PLIN1: variants seen among roughly 807,000 people sequenced by gnomAD.
The protein encoded by PLIN1 is perilipin 1, also known as perilipin-1.
PLIN1 carries 37 observed loss-of-function variants against 45.8 expected under a neutral mutation model. The ratio of observed to expected loss-of-function variants is 0.81; its 90% confidence interval spans 0.62 to 1.06. The LOEUF is 1.06. Ranked by LOEUF, PLIN1 falls within the 50% of genes least tolerant of loss-of-function variation. The pLI is 0.00. For missense variants in PLIN1, 776 were observed against 716.5 expected (o/e 1.08, Z -0.95); for synonymous variants, 340 against 309.2 (o/e 1.10, Z -1.05).
In PLIN1 at chr15:89,664,836, A is replaced by G; in HGVS notation, c.*747T>C. Reference sequence around the variant, plus strand: ...GGTTGGGGATGAACTGTGGCTATACATAAAGTCTATATATCATCACCATTT... The same window carrying G: ...GGTTGGGGATGAACTGTGGCTATACGTAAAGTCTATATATCATCACCATTT... On this transcript the variant is annotated 3_prime_UTR_variant, in exon 9 of 9. Transcript: ENST00000300055. 2 of 455,836 alleles carry G rather than the reference A, an allele frequency of 4.4e-6. No homozygotes were observed. The highest frequency in any genetic ancestry group is 8.8e-6 in the Non-Finnish European group (2 of 226,692). The allele number at this position is 455,836 out of a possible 1,614,324, so 28.2% of individuals were successfully genotyped here.
chr15:89,677,653 T>A, intron 1 of PLIN1, 150 bp from the exon 2 acceptor site: 2 of 750,024 alleles, frequency 2.7e-6, no homozygotes, highest in Non-Finnish European at 4.9e-6. Context: ...AGGGTGAATA[T>A]CACACACAAT....
rs945901243 is a variant in PLIN1 at position 89,671,075 on chromosome 15, C to T, written c.333+407G>A. Among the ~76,000 whole-genome samples, 27 of 152,122 alleles carry T rather than the reference C, an allele frequency of 1.8e-4. 1 individual carries two copies. The highest frequency in any genetic ancestry group is 6.0e-4 in the African/African-American group (25 of 41,400). On this transcript the variant is annotated intron_variant, in intron 4 of 8. Coordinates refer to ENST00000300055, the MANE Select transcript of PLIN1 (RefSeq NM_002666.5). ...TAAAGTGACCTTCAATCTCATGGTC[C>T]ATAAAAGGTTGGATCTTGAGGATAT...
rs1462934175 is a variant in PLIN1 at position 89,665,871 on chromosome 15, C to G, written c.1281G>C (p.Glu427Asp). Residue 427 changes from glutamate to aspartate, a missense_variant, in exon 9 of 9, where the codon GAG (glutamate) becomes GAC (aspartate). Glu to Asp is a conservative substitution (Grantham distance 45). Transcript: ENST00000300055. ...ACGCTCTGCGCTCCGCCTCCCGGCG[C>G]TCGACCTCGGCTGGTGGGTTGTCGA... The part of the protein sequence containing the change: ...RDIDNPPAEV[E>D]RREAERRASG... The G allele has an allele frequency of 6.6e-7, 1 of 1,509,700 alleles. No individual in the cohort carries two copies. Among genetic ancestry groups the G allele is most frequent in the Admixed American group, 2.0e-5 (1 of 48,996 alleles). The allele number at this position is 1,509,700 out of a possible 1,614,324, so 93.5% of individuals were successfully genotyped here. A position where few individuals can be genotyped will look rare whatever the true frequency, so the allele number is the denominator to read the frequency against.
chr15:89,678,509 C>T (rs1191334060), intron 1 of PLIN1, among the ~76,000 whole-genome samples: 1 of 129,890 alleles, frequency 7.7e-6, no homozygotes, highest in African/African-American at 2.8e-5. Flanking sequence ...GACTCTGTCT[C>T]AAAAAAAAAA....
chr15:89,667,213 T>C, intron 7 of PLIN1, 32 bp from the exon 8 acceptor site: 1 of 1,611,388 alleles, frequency 6.2e-7, no homozygotes, highest in Non-Finnish European at 8.5e-7. Context: ...GTGCCTCCTG[T>C]GGTAACTCCC....
chr15:89,670,725 C>A (rs750813198), intron 4 of PLIN1, among the ~76,000 whole-genome samples: 5 of 152,168 alleles, frequency 3.3e-5, no homozygotes, highest in Non-Finnish European at 7.3e-5. Flanking sequence ...AAATGGGGAG[C>A]AAAGAGCACA....
intron 5 of PLIN1, 48 bp from the exon 6 acceptor site, chr15:89,669,720 G>T (rs1005957752): frequency 1.3e-6 from 2 of 1,571,176 alleles, no homozygotes; most frequent in Middle Eastern, 1.7e-4. Context: ...TCAGAGAGGG[G>T]CCGGAGAGAT....
At chr15:89,677,917 G>GT (rs760024030) in intron 1 of PLIN1, 15,128 of 148,702 alleles carry the variant, frequency 0.1, 441 homozygotes, top group Middle Eastern at 0.13. Context: ...CGCCCGGCTA[G>GT]TTTTTTTTTT....
rs767729292 is a variant in PLIN1, at chr15:89,669,684, T to C, written c.599-12A>G. 2 of 1,612,240 alleles carry C rather than the reference T, an allele frequency of 1.2e-6. No individual in the cohort carries two copies. Among genetic ancestry groups the C allele is most frequent in the South Asian group, 1.1e-5 (1 of 90,984 alleles). The stretch of plus-strand genomic sequence containing the variant: ...TCCAGGAGCAGGGGCTGGGTAGGGA[T>C]TTGGGGGGAAAGAAGAGAAAACAGG... On this transcript the variant is annotated splice_polypyrimidine_tract_variant and intron_variant, in intron 5 of 8. Transcript: ENST00000300055.
Position 89,678,420 on chromosome 15 carries a change from G to A in PLIN1, c.-15+831C>T, listed in dbSNP as rs1256327729. ...AGCTACTTGGGAGGCTGAGGCAGGAGGATCGCTTGAGCCTGAGAGGTGGAG... is the reference window on the plus strand; with the variant it reads ...AGCTACTTGGGAGGCTGAGGCAGGAAGATCGCTTGAGCCTGAGAGGTGGAG... On this transcript the variant is annotated intron_variant, in intron 1 of 8. Transcript: ENST00000300055. Among the ~76,000 whole-genome samples, 4 of 152,006 alleles carry A rather than the reference G, an allele frequency of 2.6e-5. No homozygotes were observed. In the East Asian group the frequency reaches 5.9e-4, roughly 23 times the overall value.
chr15:89,665,043 C>G lies in PLIN1; in HGVS notation c.*540G>C. 2.4e-6 allele frequency: 1 copy of G among 413,790 alleles called. No individual in the cohort carries two copies. Among genetic ancestry groups the G allele is most frequent in the Admixed American group, 2.8e-5 (1 of 36,252 alleles). The allele number at this position is 413,790 out of a possible 1,614,324, so 25.6% of individuals were successfully genotyped here. A position where few individuals can be genotyped will look rare whatever the true frequency, so the allele number is the denominator to read the frequency against. ...AATAAACACCCAAGAGCTTTTGCAT[C>G]TGATTGTTCCCTTCAAAGTAGCCTG... On this transcript the variant is annotated 3_prime_UTR_variant, in exon 9 of 9. Transcript: ENST00000300055.
intron 8 of PLIN1, among the ~76,000 whole-genome samples, chr15:89,666,580 C>T (rs1009758189): frequency 7.2e-5 from 11 of 152,188 alleles, no homozygotes; most frequent in Admixed American, 2.0e-4. Context: ...CTGGAAGCCT[C>T]TCCAACCCCT....
rs749922567 is a variant in PLIN1, at chr15:89,665,675, T to G, written c.1477A>C (p.Lys493Gln). 6.7e-7 allele frequency: 1 copy of G among 1,484,806 alleles called. No homozygotes were observed. The allele number at this position is 1,484,806 out of a possible 1,614,324, so 92.0% of individuals were successfully genotyped here. A position where few individuals can be genotyped will look rare whatever the true frequency, so the allele number is the denominator to read the frequency against. Residue 493 changes from lysine (K) to glutamine (Q), a missense_variant, in exon 9 of 9, where the codon AAG (lysine) becomes CAG (glutamine). By Grantham distance (53) the Lys-to-Gln change is moderately conservative. Transcript: ENST00000300055. ...AAGAAGCTGTCGCTGACCCTGCGCT[T>G]TGGCTTCTCGCGGGGCACGGCCGGG... ...GFPAVPREKPKRRVSDSFFRP... is the reference protein window; with the variant it reads ...GFPAVPREKPQRRVSDSFFRP...
chr15:89,667,240 C>A, intron 7 of PLIN1, 59 bp from the exon 8 acceptor site: 3 of 1,604,804 alleles, frequency 1.9e-6, no homozygotes, highest in Non-Finnish European at 2.6e-6. Flanking sequence ...CTTCCCTCCC[C>A]ACCAGCCCCA....
intron 8 of PLIN1, 81 bp downstream of exon 8, chr15:89,666,855 A>G (rs1286374027): frequency 2.2e-5 from 34 of 1,520,102 alleles, no homozygotes; most frequent in Non-Finnish European, 2.9e-5. Flanking sequence ...GGGGGACTGC[A>G]GCCCCTTCAG....
At chr15:89,677,820 G>A (rs1457944104) in intron 1 of PLIN1, 3 of 285,116 alleles carry the variant, frequency 1.1e-5, no homozygotes, top group Admixed American at 9.2e-5. Context: ...GCACAATCTC[G>A]GCTCACTACA....
In PLIN1 at chr15:89,667,914, A is replaced by G. The variant is rs995027620; in HGVS notation, c.772-121T>C. 9 of 1,455,428 alleles carry G rather than the reference A, an allele frequency of 6.2e-6. No individual in the cohort carries two copies. In the African/African-American group the frequency reaches 1.1e-4, roughly 18 times the overall value. The allele number at this position is 1,455,428 out of a possible 1,614,324, so 90.2% of individuals were successfully genotyped here. On this transcript the variant is annotated intron_variant, in intron 6 of 8. Coordinates refer to ENST00000300055, the MANE Select transcript of PLIN1 (RefSeq NM_002666.5). ...CAGGTGGTGAGCAGGGCTCAGCCCC[A>G]GCAGACTTTTCTGGAAACTTTTTAT...
At chr15:89,677,577 A>C in intron 1 of PLIN1, 74 bp from the exon 2 acceptor site, 1,113 of 1,241,566 alleles carry the variant, frequency 9.0e-4, no homozygotes, top group Non-Finnish European at 1.2e-3. Context: ...CCTACCTCTC[A>C]TGGCCACCAA....
intron 4 of PLIN1, 140 bp from the exon 5 acceptor site, chr15:89,670,384 T>C (rs1964422711): frequency 1.2e-6 from 1 of 834,886 alleles, no homozygotes; most frequent in African/African-American, 1.7e-5. Context: ...GATATTTAGG[T>C]ACCTGGAATT....
Sources: gnomAD v4.1 joint callset for allele counts (sites outside exome capture counted in the v4.1 genomes callset) on GRCh38, gnomAD v4.1.1 for gene constraint, MANE v1.5 for transcripts, NCBI Gene and HGNC (gene_info 2026-07-23, HGNC 2026-07-21) for gene names.